GMDS: variants seen among roughly 807,000 people sequenced by gnomAD.
The protein encoded by GMDS is GDP-mannose 4,6-dehydratase, also known as GDP-mannose 4,6 dehydratase.
A neutral mutation model predicts 49.9 loss-of-function variants in GMDS; 20 were observed. That is an observed-to-expected ratio of 0.40 (90% CI 0.28 to 0.58). The LOEUF (loss-of-function observed/expected upper bound fraction) is 0.58. GMDS is among the 20% of genes least tolerant of loss of function. GMDS has a pLI of 0.42. For missense variants in GMDS, 362 were observed against 481.4 expected (o/e 0.75, Z 2.32); for synonymous variants, 177 against 178.6 (o/e 0.99, Z 0.07).
chr6:1,831,890 A>G (rs1244342766), intron 7 of GMDS, among the ~76,000 whole-genome samples: 1 of 152,246 alleles, frequency 6.6e-6, no homozygotes, highest in South Asian at 2.1e-4. Context: ...TACCCTCCCC[A>G]TAAGAATTTT....
intron 4 of GMDS, among the ~76,000 whole-genome samples, chr6:2,017,006 C>A (rs1275724373): frequency 1.3e-5 from 2 of 151,262 alleles, no homozygotes; most frequent in Non-Finnish European, 2.9e-5. Flanking sequence ...AAAAAAAAGA[C>A]AAATCGATCC....
chr6:1,747,102 G>T (rs1767528835), intron 7 of GMDS, among the ~76,000 whole-genome samples: 1 of 152,124 alleles, frequency 6.6e-6, no homozygotes, highest in Admixed American at 6.5e-5. Context: ...GGGAGGCTCA[G>T]GAAGGGCCAC....
intron 7 of GMDS, among the ~76,000 whole-genome samples, chr6:1,923,059 G>A (rs1437535104): frequency 6.6e-6 from 1 of 152,202 alleles, no homozygotes; most frequent in African/African-American, 2.4e-5. Context: ...CTTCCCTGCT[G>A]CCATGTAAGA....
At chr6:1,893,939 T>C (rs1453151316) in intron 7 of GMDS, among the ~76,000 whole-genome samples, 2 of 152,112 alleles carry the variant, frequency 1.3e-5, no homozygotes, top group Admixed American at 1.3e-4. Context: ...CTGAGTTAGA[T>C]AAGAAAGAGC....
chr6:1,829,762 A>C (rs986907486), intron 7 of GMDS, among the ~76,000 whole-genome samples: 1 of 152,180 alleles, frequency 6.6e-6, no homozygotes. Flanking sequence ...ATTTTAATGA[A>C]TCTTCTTATT....
chr6:2,004,743 G>A (rs2127386608), intron 4 of GMDS, among the ~76,000 whole-genome samples: 1 of 152,292 alleles, frequency 6.6e-6, no homozygotes, highest in East Asian at 1.9e-4. Context: ...ATTGTGTGAG[G>A]AGACAGCAGA....
At chr6:1,706,007 G>T (rs9405147) in intron 9 of GMDS, among the ~76,000 whole-genome samples, 148,812 of 152,246 alleles carry the variant, frequency 0.98, 72,821 homozygotes, top group East Asian at 1. Context: ...TCGTCATTGT[G>T]GAATAGCAAT....
At chr6:2,111,180 C>A (rs1774525808) in intron 4 of GMDS, among the ~76,000 whole-genome samples, 1 of 152,180 alleles carries the variant, frequency 6.6e-6, no homozygotes, top group South Asian at 2.1e-4. Context: ...CTATTACTTA[C>A]ACAGCAAAAA....
At position 1,988,538 on chromosome 6, in the gene GMDS, C is replaced by T. The variant is rs535167478; in HGVS notation, c.346-27572G>A. 3.3e-5 allele frequency among the ~76,000 whole-genome samples: 5 copies of T among 152,154 alleles called. No individual in the cohort carries two copies. The East Asian group carries it at 9.7e-4, about 30-fold the overall frequency. On this transcript the variant is annotated intron_variant, in intron 4 of 10. Coordinates refer to ENST00000380815, the MANE Select transcript of GMDS (RefSeq NM_001500.4). ...AATTTGGGCTCCCTATCCAGCTCAC[C>T]CCAACTGCACGTTCTTCCCGGTAGA... is the stretch of plus-strand genomic sequence containing the variant.
At chr6:1,682,991 C>T (rs1209726617) in intron 9 of GMDS, among the ~76,000 whole-genome samples, 1 of 152,220 alleles carries the variant, frequency 6.6e-6, no homozygotes, top group East Asian at 1.9e-4. Flanking sequence ...AGACCCGTGG[C>T]TGGGTCATGG....
intron 7 of GMDS, among the ~76,000 whole-genome samples, chr6:1,928,355 C>G (rs1421488184): frequency 6.8e-6 from 1 of 146,830 alleles, no homozygotes; most frequent in African/African-American, 2.5e-5. Flanking sequence ...CAGAGCGAGA[C>G]TCTGCCTTAA....
At chr6:1,908,302 C>T (rs751340224) in intron 7 of GMDS, among the ~76,000 whole-genome samples, 5 of 152,194 alleles carry the variant, frequency 3.3e-5, no homozygotes, top group Admixed American at 2.0e-4. Context: ...ATTTTCAGAT[C>T]ACGGTTGACT....
At chr6:2,142,481 G>A (rs893084642) in intron 1 of GMDS, among the ~76,000 whole-genome samples, 1 of 152,166 alleles carries the variant, frequency 6.6e-6, no homozygotes, top group Non-Finnish European at 1.5e-5. Flanking sequence ...GTCACAGGAT[G>A]ATGAAGTGGA....
At chr6:1,903,575 T>A (rs1760608412) in intron 7 of GMDS, among the ~76,000 whole-genome samples, 1 of 152,138 alleles carries the variant, frequency 6.6e-6, no homozygotes, top group Admixed American at 6.5e-5. Flanking sequence ...TCTCACTGCA[T>A]TTTTTTAAAA....
chr6:1,783,745 T>G (rs1322137024), intron 7 of GMDS, among the ~76,000 whole-genome samples: 1 of 152,190 alleles, frequency 6.6e-6, no homozygotes, highest in Non-Finnish European at 1.5e-5. Context: ...AGAGAGAAAT[T>G]TGAAAACATT....
intron 4 of GMDS, among the ~76,000 whole-genome samples, chr6:1,993,023 T>C (rs1053545744): frequency 6.6e-6 from 1 of 152,228 alleles, no homozygotes; most frequent in Non-Finnish European, 1.5e-5. Context: ...GGGAAAATGA[T>C]GCAGCACCAC....
At chr6:2,011,636 G>T (rs534038233) in intron 4 of GMDS, among the ~76,000 whole-genome samples, 1 of 152,220 alleles carries the variant, frequency 6.6e-6, no homozygotes, top group South Asian at 2.1e-4. Context: ...AATCAGGGCC[G>T]GGTACGGTGA....
At position 1,810,798 on chromosome 6, in the gene GMDS, T is replaced by C. The variant is rs182698333; in HGVS notation, c.772-68212A>G. Among the ~76,000 whole-genome samples, 524 of 152,334 alleles carry C rather than the reference T, an allele frequency of 3.4e-3. 3 individuals are homozygous for C. The highest frequency in any genetic ancestry group is 0.012 in the African/African-American group (505 of 41,576). ...GATTGGCATTTAGAACGATTATTCC[T>C]TTATCACTGTGGCTAATTTCATTAG... On this transcript the variant is annotated intron_variant, in intron 7 of 10. Transcript: ENST00000380815.
chr6:2,223,104 A>C (rs2127590857), intron 1 of GMDS, among the ~76,000 whole-genome samples: 1 of 142,284 alleles, frequency 7.0e-6, no homozygotes, highest in African/African-American at 2.9e-5. Flanking sequence ...CCTTCAAATC[A>C]ATCAATCAAT....
Sources: gnomAD v4.1 joint callset for allele counts (sites outside exome capture counted in the v4.1 genomes callset) on GRCh38, gnomAD v4.1.1 for gene constraint, MANE v1.5 for transcripts, NCBI Gene and HGNC (gene_info 2026-07-23, HGNC 2026-07-21) for gene names.